Variants in RYR1 observed in about 807,000 individuals in gnomAD.
The protein encoded by RYR1 is central core disease of muscle.
A neutral mutation model predicts 583.5 loss-of-function variants in RYR1; 342 were observed. The ratio of observed to expected loss-of-function variants is 0.59; its 90% CI spans 0.54 to 0.64. The LOEUF is 0.64. Ranked by LOEUF, RYR1 falls within the 30% of genes least tolerant of loss-of-function variation. The pLI, the probability that RYR1 is intolerant of heterozygous loss-of-function variation, is 0.00. For missense variants in RYR1, 6,032 were observed against 6,917.2 expected (o/e 0.87, Z 4.54); for synonymous variants, 2,791 against 2,822.5 (o/e 0.99, Z 0.35).
In RYR1 at chr19:38,565,246, C is replaced by T. The variant is rs1300115046; in HGVS notation, c.12912C>T (p.Ala4304=). ...GGGTTGTGGCGGCCGCAGGCCGGGC[C>T]CTGCGAGGCCTCAGCTACCGCAGCC... ...TARVVAAAGR[A]LRGLSYRSLR... The change falls in exon 91 of 106, where the codon GCC becomes GCT. Residue 4304 remains alanine, a synonymous_variant. Coordinates refer to ENST00000359596, the MANE Select transcript of RYR1 (RefSeq NM_000540.3). This position sits in a 1 kb window ranked among gnomAD's most constrained non-coding sequence, Gnocchi z 4.7. 1.0e-6 allele frequency: 1 copy of T among 990,092 alleles called. No homozygotes were observed. The highest frequency in any genetic ancestry group is 1.1e-4 in the East Asian group (1 of 9,086). The allele number at this position is 990,092 out of a possible 1,614,324, so 61.3% of individuals were successfully genotyped here. A position where few individuals can be genotyped will look rare whatever the true frequency, so the allele number is the denominator to read the frequency against.
intron 99 of RYR1, among the ~76,000 whole-genome samples, 175 bp from the exon 100 acceptor site, chr19:38,579,807 C>T (rs536744853): frequency 7.9e-5 from 12 of 152,132 alleles, no homozygotes; most frequent in South Asian, 2.1e-4. Flanking sequence ...AGGGGGCTCT[C>T]ATCTCCCCGC....
Position 38,453,257 on chromosome 19 carries a change from C to T in RYR1, c.1440+243C>T, listed in dbSNP as rs987480760. Among the ~76,000 whole-genome samples the T allele has an allele frequency of 5.4e-5, 7 of 128,584 alleles. No homozygotes were observed. The South Asian group carries it at 7.5e-4, about 14-fold the overall frequency. The allele number at this position is 128,584 out of a possible 152,430, so 84.4% of individuals were successfully genotyped here. Reference sequence around the variant, plus strand: ...GCAGGACCTTTGGGAAGGGGCAGGGCGTATGGCCGACCAGGGGGCGGGGCC... The same window carrying T: ...GCAGGACCTTTGGGAAGGGGCAGGGTGTATGGCCGACCAGGGGGCGGGGCC... On this transcript the variant is annotated intron_variant, in intron 13 of 105. Coordinates refer to ENST00000359596, the MANE Select transcript of RYR1 (RefSeq NM_000540.3).
At chr19:38,453,938 C>A (rs1005520860) in intron 13 of RYR1, among the ~76,000 whole-genome samples, 3 of 152,106 alleles carry the variant, frequency 2.0e-5, no homozygotes, top group African/African-American at 7.2e-5. Context: ...AGTGGCAGAG[C>A]CGGTCAGTGT....
rs375678928 is a variant in RYR1 at position 38,523,460 on chromosome 19, C to T, written c.10440+151C>T. 12 of 782,262 alleles carry T rather than the reference C, an allele frequency of 1.5e-5. No homozygotes were observed. In the African/African-American group the frequency reaches 1.9e-4, roughly 12 times the overall value. 48.5% of individuals were successfully genotyped at this position (782,262 alleles called of 1,614,324 possible). A position where few individuals can be genotyped will look rare whatever the true frequency, so the allele number is the denominator to read the frequency against. ...GCCCCTCTTACCTCCTCTCCCTCTC[C>T]CTTCCTCCCCAGCTCCTTCCTCCTC... On this transcript the variant is annotated intron_variant, in intron 69 of 105. Coordinates refer to ENST00000359596, the MANE Select transcript of RYR1 (RefSeq NM_000540.3).
chr19:38,446,494 C>T lies in RYR1; in HGVS notation c.654C>T (p.Val218=), dbSNP rs768361459. The part of the protein sequence containing the change: ...CEEGFVTGGH[V]LRLFHGHMDE... ...CAGGCTTCGTGACGGGAGGTCACGT[C>T]CTCCGCCTCTTTCATGGACATATGG... The change falls in exon 8 of 106, where the codon GTC becomes GTT. Residue 218 remains valine (V), a synonymous_variant. Coordinates refer to ENST00000359596, the MANE Select transcript of RYR1 (RefSeq NM_000540.3). 47 of 1,614,156 alleles carry T rather than the reference C, an allele frequency of 2.9e-5. No individual in the cohort carries two copies. In the South Asian group the frequency reaches 5.1e-4, roughly 17 times the overall value.
intron 17 of RYR1, 81 bp downstream of exon 17, chr19:38,457,711 T>C: frequency 4.8e-6 from 7 of 1,450,882 alleles, no homozygotes; most frequent in African/African-American, 1.4e-5. Context: ...CCCAGATGGA[T>C]GTCCTTTCCT....
chr19:38,521,188 G>C (rs916537605), intron 67 of RYR1, among the ~76,000 whole-genome samples: 3 of 152,100 alleles, frequency 2.0e-5, no homozygotes, highest in African/African-American at 7.2e-5. Context: ...GCTGGGACTG[G>C]GAGGCTGAGG....
rs1974035851 is a variant in RYR1 at position 38,578,033 on chromosome 19, C to A, written c.14288C>A (p.Pro4763Gln). 1.2e-6 allele frequency: 2 copies of A among 1,614,140 alleles called. No homozygotes were observed. The highest frequency in any genetic ancestry group is 8.5e-7 in the Non-Finnish European group (1 of 1,180,010). ...AATGAGCGCAAGCCCAACCCGCCGC[C>A]AGGGCTGCTGACCTGGTGAGCCCAG... ...AHNERKPNPP[P>Q]GLLTWLMSID... is the part of the protein sequence containing the mutation. The change falls in exon 98 of 106, where the codon CCA becomes CAA. Residue 4763 changes from proline to glutamine, a missense_variant. This residue lies in a region of RYR1 where 188 missense variants were observed against 215.6 expected (regional missense o/e 0.87). Coordinates refer to ENST00000359596, the MANE Select transcript of RYR1 (RefSeq NM_000540.3).
rs549837414 is a variant in RYR1 at position 38,467,472 on chromosome 19, A to T, written c.3179-138A>T. 5 of 942,770 alleles carry T rather than the reference A, an allele frequency of 5.3e-6. No homozygotes were observed. The African/African-American group carries it at 8.0e-5, about 15-fold the overall frequency. The allele number at this position is 942,770 out of a possible 1,614,324, so 58.4% of individuals were successfully genotyped here. A position where few individuals can be genotyped will look rare whatever the true frequency, so the allele number is the denominator to read the frequency against. On this transcript the variant is annotated intron_variant, in intron 24 of 105. Coordinates refer to ENST00000359596, the MANE Select transcript of RYR1 (RefSeq NM_000540.3). ...TCTGAGGTTCCCCAATTCTCCTCTA[A>T]CTCCAAGAAATTGACCCTCTTCCAA...
intron 97 of RYR1, among the ~76,000 whole-genome samples, chr19:38,577,283 T>C (rs1008503791): frequency 2.6e-5 from 4 of 152,184 alleles, no homozygotes; most frequent in Non-Finnish European, 2.9e-5. Flanking sequence ...TGTTGTATTA[T>C]GTACTACATG....
rs1402730696 is a variant in RYR1 at position 38,525,332 on chromosome 19, T to C, written c.10456T>C (p.Ser3486Pro). ...SKMAKAGDIQSGGSDQERTKK... is the reference protein window; with the variant it reads ...SKMAKAGDIQPGGSDQERTKK... ...GGTGCTGAGCCCTGTGTCCCCACAG[T>C]CCGGTGGCTCGGACCAGGAACGCAC... Residue 3486 changes from serine to proline, a missense_variant and splice_region_variant, in exon 71 of 106, where the codon TCC becomes CCC. Around this residue, in one of 11 missense-constraint regions of RYR1, gnomAD observed 1,493 missense variants for 1,715.5 expected, o/e 0.87. Transcript: ENST00000359596. 7.5e-6 allele frequency: 12 copies of C among 1,603,440 alleles called. No homozygotes were observed. Among genetic ancestry groups the C allele is most frequent in the Non-Finnish European group, 1.0e-5 (12 of 1,174,848 alleles).
rs1972316048 is a variant in RYR1 at position 38,543,955 on chromosome 19, C to T, written c.12012+80C>T. The T allele has an allele frequency of 2.2e-6, 3 of 1,368,844 alleles. No individual in the cohort carries two copies. Among genetic ancestry groups the T allele is most frequent in the Non-Finnish European group, 3.1e-6 (3 of 983,218 alleles). 84.8% of individuals were successfully genotyped at this position (1,368,844 alleles called of 1,614,324 possible). Reference sequence around the variant, plus strand: ...CATTTCCAAGTCTTGCCCCTTTGGTCAGTTTGTCACCCGAGTGCTCCCGGC... The same window carrying T: ...CATTTCCAAGTCTTGCCCCTTTGGTTAGTTTGTCACCCGAGTGCTCCCGGC... On this transcript the variant is annotated intron_variant, in intron 87 of 105. Coordinates refer to ENST00000359596, the MANE Select transcript of RYR1 (RefSeq NM_000540.3). The surrounding 1 kb of genome is among the most constrained non-coding windows in gnomAD (Gnocchi z 4.4).
rs1969447091 is a variant in RYR1, at chr19:38,489,325, C to T, written c.5696C>T (p.Thr1899Ile). The T allele has an allele frequency of 6.2e-7, 1 of 1,605,688 alleles. No individual in the cohort carries two copies. The highest frequency in any genetic ancestry group is 8.5e-7 in the Non-Finnish European group (1 of 1,172,582). Residue 1899 changes from threonine (T) to isoleucine (I), a missense_variant, in exon 35 of 106, where the codon ACA becomes ATA. By Grantham distance (89) the Thr-to-Ile change is moderately conservative. Transcript: ENST00000359596. Reference protein sequence around the residue: ...EEEKEEDEEETAQEKEDEEKE... With the variant: ...EEEKEEDEEEIAQEKEDEEKE... ...GAGAAGGAGGAGGATGAGGAGGAAACAGCACAGGAAAAGGAAGATGAGGAA... is the reference window on the plus strand; with the variant it reads ...GAGAAGGAGGAGGATGAGGAGGAAATAGCACAGGAAAAGGAAGATGAGGAA...
intron 7 of RYR1, among the ~76,000 whole-genome samples, chr19:38,445,098 A>G (rs566489040): frequency 6.6e-6 from 1 of 151,916 alleles, no homozygotes; most frequent in South Asian, 2.1e-4. Context: ...CTTTATTAAA[A>G]ATGCAAAATT....
Position 38,502,739 on chromosome 19 carries a change from CAGGCTTCAGGGT to C in RYR1, c.7835+13_7835+24del, listed in dbSNP as rs1568505909. ...ATGTCGCTCTGCAGGTGGAGCGGGG[CAGGCTTCAGGGT>C]GGGGCAGGGGCAGGGGCAGGGGCAG... On this transcript the variant is annotated intron_variant, in intron 48 of 105. Transcript: ENST00000359596. 1.0e-5 allele frequency: 14 copies of C among 1,367,426 alleles called. No homozygotes were observed. In the Admixed American group the frequency reaches 1.7e-4, roughly 17 times the overall value. The allele number at this position is 1,367,426 out of a possible 1,614,324, so 84.7% of individuals were successfully genotyped here. A position where few individuals can be genotyped will look rare whatever the true frequency, so the allele number is the denominator to read the frequency against.
Position 38,543,869 on chromosome 19 carries a change from C to T in RYR1, c.12006C>T (p.Leu4002=), listed in dbSNP as rs957137914. Residue 4002 remains leucine (L), a synonymous_variant, in exon 87 of 106, where the codon CTC becomes CTT. Coordinates refer to ENST00000359596, the MANE Select transcript of RYR1 (RefSeq NM_000540.3). This position sits in a 1 kb window ranked among gnomAD's most constrained non-coding sequence, Gnocchi z 4.4. ...LHVFAHMMMK[L]AQDSSQIELL... ...TGTTCGCCCACATGATGATGAAGCT[C>T]GCTCAGGTTCGAGCCCCTCTGGTCT... The T allele has an allele frequency of 1.2e-6, 2 of 1,612,926 alleles. No individual in the cohort carries two copies. The highest frequency in any genetic ancestry group is 2.2e-5 in the South Asian group (2 of 90,978).
intron 89 of RYR1, among the ~76,000 whole-genome samples, chr19:38,560,142 T>A (rs1419226200): frequency 6.6e-6 from 1 of 151,974 alleles, no homozygotes; most frequent in East Asian, 1.9e-4. Flanking sequence ...GGAGGGCAAA[T>A]CACCTGAGTT....
intron 12 of RYR1, 48 bp downstream of exon 12, chr19:38,451,933 G>A: frequency 6.2e-7 from 1 of 1,613,412 alleles, no homozygotes; most frequent in Non-Finnish European, 8.5e-7. Flanking sequence ...GCTGTCCCAT[G>A]CTCCGGGCAT....
At position 38,505,220 on chromosome 19, in the gene RYR1, CA is replaced by C. The variant is rs749738712; in HGVS notation, c.8311-88del. 105 of 1,181,410 alleles carry C rather than the reference CA, an allele frequency of 8.9e-5. 1 individual carries two copies. In the South Asian group the frequency reaches 1.0e-3, roughly 11 times the overall value. 73.2% of individuals were successfully genotyped at this position (1,181,410 alleles called of 1,614,324 possible). A position where few individuals can be genotyped will look rare whatever the true frequency, so the allele number is the denominator to read the frequency against. On this transcript the variant is annotated intron_variant, in intron 52 of 105. Transcript: ENST00000359596. ...CCCTTAGCTTGTTCTGGGACCCCCC[CA>C]GGATTCTCTGTCCTCGGCTCCTCCA...
Sources: allele counts gnomAD v4.1 joint callset (sites outside exome capture counted in the v4.1 genomes callset), GRCh38; gene constraint gnomAD v4.1.1; regional missense constraint gnomAD v4.1.1; non-coding constraint Gnocchi (gnomAD v3.1); transcripts MANE v1.5; gene names NCBI Gene and HGNC (gene_info 2026-07-23, HGNC 2026-07-21).